Variants in TRIP12 observed in about 807,000 individuals in gnomAD.
TRIP12 encodes thyroid hormone receptor interactor 12.
Under a neutral mutation model 244.2 loss-of-function variants are expected in TRIP12, and 25 were observed. The observed-to-expected ratio is 0.10, with a 90% CI of 0.07 to 0.14. The LOEUF (loss-of-function observed/expected upper bound fraction) is 0.14, where lower values mean the gene tolerates loss of function less well. Among genes scored for constraint, TRIP12 ranks in the 10% least tolerant of loss-of-function variants. The pLI, the probability that TRIP12 is intolerant of heterozygous loss-of-function variation, is 1.00. For synonymous variants in TRIP12, 905 were observed against 873.1 expected (o/e 1.04, Z -0.64); for missense variants, 1,677 against 2,486.4 (o/e 0.67, Z 6.92).
At chr2:229,800,434 G>A (rs1275943481) in intron 21 of TRIP12, among the ~76,000 whole-genome samples, 1 of 152,034 alleles carries the variant, frequency 6.6e-6, no homozygotes, top group Non-Finnish European at 1.5e-5. Context: ...TAGTTGGTCT[G>A]TGGCCCAAAT....
chr2:229,894,960 T>G (rs945881195), intron 1 of TRIP12, among the ~76,000 whole-genome samples: 1 of 152,312 alleles, frequency 6.6e-6, no homozygotes, highest in Non-Finnish European at 1.5e-5. Flanking sequence ...GAAAGGCACC[T>G]TTAGGCCTCG....
At chr2:229,812,832 T>G (rs919930186) in intron 13 of TRIP12, among the ~76,000 whole-genome samples, 18 of 152,046 alleles carry the variant, frequency 1.2e-4, no homozygotes, top group Non-Finnish European at 2.6e-4. Context: ...CAAAAAAAAA[T>G]TCCTAAATTG....
intron 1 of TRIP12, among the ~76,000 whole-genome samples, chr2:229,893,976 G>A (rs576652220): frequency 2.0e-5 from 3 of 152,276 alleles, no homozygotes; most frequent in East Asian, 3.9e-4. Context: ...GCCTCTCAAA[G>A]TATTGGCCAT....
intron 2 of TRIP12, among the ~76,000 whole-genome samples, chr2:229,865,484 G>A (rs2061378184): frequency 6.6e-6 from 1 of 151,746 alleles, no homozygotes; most frequent in South Asian, 2.1e-4. Flanking sequence ...CAGCTTATAT[G>A]ATATGCATAT....
intron 37 of TRIP12, among the ~76,000 whole-genome samples, chr2:229,774,973 G>C (rs1263721549): frequency 6.6e-6 from 1 of 152,048 alleles, no homozygotes; most frequent in African/African-American, 2.4e-5. Context: ...TAAACTTAAG[G>C]ATCAAAAACC....
chr2:229,803,965 T>G, intron 19 of TRIP12, 34 bp downstream of exon 19: 1 of 1,541,334 alleles, frequency 6.5e-7, no homozygotes, highest in East Asian at 2.3e-5. Flanking sequence ...AGATTTGTAT[T>G]TGTAAAATGT....
At position 229,871,537 on chromosome 2, in the gene TRIP12, C is replaced by T. The variant is rs1375997351; in HGVS notation, c.98+8445G>A. On this transcript the variant is annotated intron_variant, in intron 2 of 41. Transcript: ENST00000675903. ...GCCACCCCTCCCCACCCCTTGCTCC[C>T]ACTCTTGCCATGTGGTATGCTGGCT... 2.0e-5 allele frequency among the ~76,000 whole-genome samples: 3 copies of T among 152,268 alleles called. No homozygotes were observed. The East Asian group carries it at 5.8e-4, about 29-fold the overall frequency.
At position 229,829,131 on chromosome 2, in the gene TRIP12, C is replaced by A. The variant is rs2052597680; in HGVS notation, c.1450+62G>T. 6 of 1,472,650 alleles carry A rather than the reference C, an allele frequency of 4.1e-6. No homozygotes were observed. The Admixed American group carries it at 5.2e-5, about 13-fold the overall frequency. 91.2% of individuals were successfully genotyped at this position (1,472,650 alleles called of 1,614,324 possible). On this transcript the variant is annotated intron_variant, in intron 8 of 41. Coordinates refer to ENST00000675903, the MANE Select transcript of TRIP12 (RefSeq NM_001348323.3). ...TCTTAATACTTACATCAATAGGTTA[C>A]AAGTAACAATAGCAGTTGGCTAATT...
intron 3 of TRIP12, 116 bp from the exon 4 acceptor site, chr2:229,859,690 A>G: frequency 8.5e-7 from 1 of 1,183,112 alleles, no homozygotes; most frequent in Non-Finnish European, 1.2e-6. Flanking sequence ...AGTATTAAAC[A>G]TAGGTTTTCA....
intron 38 of TRIP12, among the ~76,000 whole-genome samples, chr2:229,772,373 A>G (rs1008177565): frequency 6.6e-6 from 1 of 152,254 alleles, no homozygotes; most frequent in African/African-American, 2.4e-5. Flanking sequence ...TCACAAAGTC[A>G]GTAGAAGAAA....
At chr2:229,799,787 T>C (rs1489065892) in intron 21 of TRIP12, among the ~76,000 whole-genome samples, 1 of 150,544 alleles carries the variant, frequency 6.6e-6, no homozygotes, top group Non-Finnish European at 1.5e-5. Context: ...AAAAAAAAAA[T>C]ACTGTCATAA....
rs2046255492 is a variant in TRIP12, at chr2:229,807,839, C to T, written c.2365G>A (p.Glu789Lys). ...ATGGTATCAACTGCAAAAATGCCTTCTTTTGGTAAACATGGCATAAGTTCA... is the reference window on the plus strand; with the variant it reads ...ATGGTATCAACTGCAAAAATGCCTTTTTTTGGTAAACATGGCATAAGTTCA... Reference protein sequence around the residue: ...ICELMPCLPKEGIFAVDTMLK... With the variant: ...ICELMPCLPKKGIFAVDTMLK... The change falls in exon 17 of 42, where the codon GAA becomes AAA. Residue 789 changes from glutamate (E) to lysine (K), a missense_variant. Glu to Lys is a moderately conservative substitution (Grantham distance 56, BLOSUM62 1). This residue lies in a region of TRIP12 where 572 missense variants were observed against 867.8 expected (regional missense o/e 0.66). Coordinates refer to ENST00000675903, the MANE Select transcript of TRIP12 (RefSeq NM_001348323.3). The T allele has an allele frequency of 6.2e-7, 1 of 1,613,950 alleles. No individual in the cohort carries two copies. Among genetic ancestry groups the T allele is most frequent in the East Asian group, 2.2e-5 (1 of 44,880 alleles).
In TRIP12 at chr2:229,858,976, G is replaced by A. The variant is rs372495336; in HGVS notation, c.823C>T (p.Arg275Cys). The A allele has an allele frequency of 1.1e-5, 18 of 1,614,022 alleles. No individual in the cohort carries two copies. Among genetic ancestry groups the A allele is most frequent in the South Asian group, 4.4e-5 (4 of 91,074 alleles). ...CTGGGACTGGACGCTGAACGGGAAC[G>A]CCTGGCCTTGTTCTGATCTTTTCCT... ...KQGKDQNKAR[R>C]SRSASSPSPR... Residue 275 changes from arginine (R) to cysteine (C), a missense_variant, in exon 4 of 42, where the codon CGT becomes TGT. This residue lies in a region of TRIP12 where 387 missense variants were observed against 392.6 expected (regional missense o/e 0.99). Coordinates refer to ENST00000675903, the MANE Select transcript of TRIP12 (RefSeq NM_001348323.3).
At chr2:229,768,953 T>G (rs2033026685) in intron 40 of TRIP12, among the ~76,000 whole-genome samples, 3 of 152,246 alleles carry the variant, frequency 2.0e-5, no homozygotes, top group Non-Finnish European at 4.4e-5. Context: ...TATTTCTGCT[T>G]TACTATATGT....
At chr2:229,857,227 T>C (rs1392728132) in intron 4 of TRIP12, among the ~76,000 whole-genome samples, 1 of 152,026 alleles carries the variant, frequency 6.6e-6, no homozygotes, top group African/African-American at 2.4e-5. Flanking sequence ...GAAGAAAAGA[T>C]GCTTAAAAGC....
chr2:229,882,729 A>G (rs1021618145), intron 1 of TRIP12, among the ~76,000 whole-genome samples: 7 of 152,212 alleles, frequency 4.6e-5, no homozygotes, highest in Admixed American at 2.0e-4. Flanking sequence ...ACCTTCTGCT[A>G]TTAAACGCCT....
chr2:229,914,340 A>G (rs1004396572), intron 1 of TRIP12, among the ~76,000 whole-genome samples: 2 of 152,222 alleles, frequency 1.3e-5, no homozygotes, highest in Admixed American at 1.3e-4. Context: ...GTTCAATCTG[A>G]TTGCAGCCAA....
chr2:229,869,463 T>C (rs187794146), intron 2 of TRIP12, among the ~76,000 whole-genome samples: 105 of 152,322 alleles, frequency 6.9e-4, no homozygotes, highest in Admixed American at 9.1e-4. Flanking sequence ...TTTGCAACTG[T>C]TGCTTCAGCC....
rs77733149 is a variant in TRIP12 at position 229,819,656 on chromosome 2, T to G, written c.1451-1144A>C. Among the ~76,000 whole-genome samples the G allele has an allele frequency of 6.3e-3, 959 of 152,340 alleles. 8 individuals carry two copies. Among genetic ancestry groups the G allele is most frequent in the African/African-American group, 0.022 (929 of 41,580 alleles). On this transcript the variant is annotated intron_variant, in intron 8 of 41. Coordinates refer to ENST00000675903, the MANE Select transcript of TRIP12 (RefSeq NM_001348323.3). ...TTAAATTAACACTTAACCAATCTTA[T>G]ATGATGTTACTTTTAAAGCTCCTTC...
Sources: allele counts gnomAD v4.1 joint callset (sites outside exome capture counted in the v4.1 genomes callset), GRCh38; gene constraint gnomAD v4.1.1; regional missense constraint gnomAD v4.1.1; transcripts MANE v1.5; gene names NCBI Gene and HGNC (gene_info 2026-07-23, HGNC 2026-07-21).